TLK2: variants seen among roughly 807,000 people sequenced by gnomAD.
TLK2 encodes the protein serine/threonine-protein kinase tousled-like 2.
TLK2 carries 6 observed loss-of-function variants against 117.3 expected under a neutral mutation model. That is an observed-to-expected ratio of 0.05 (90% confidence interval 0.03 to 0.10). The LOEUF (loss-of-function observed/expected upper bound fraction) is 0.10, where lower values mean the gene tolerates loss of function less well. Ranked by LOEUF, TLK2 falls within the 10% of genes least tolerant of loss-of-function variation. The pLI, the probability that TLK2 is intolerant of heterozygous loss-of-function variation, is 1.00. For missense variants in TLK2, 299 were observed against 901.2 expected (o/e 0.33, Z 8.56); for synonymous variants, 257 against 316.7 (o/e 0.81, Z 2.00).
intron 6 of TLK2, 129 bp downstream of exon 6, chr17:62,524,460 T>G: frequency 7.7e-7 from 1 of 1,304,596 alleles, no homozygotes; most frequent in African/African-American, 1.5e-5. Context: ...GTTCATAGTT[T>G]TACCTATGAA....
At chr17:62,477,898 C>A (rs1364601825), upstream of TLK2, 3 of 152,200 alleles carry the variant, frequency 2.0e-5, no homozygotes, top group African/African-American at 7.2e-5. Flanking sequence ...CCCTCAGACC[C>A]TCCTAAGTAC....
chr17:62,487,311 G>T (rs1267326656), intron 2 of TLK2, among the ~76,000 whole-genome samples: 1 of 147,166 alleles, frequency 6.8e-6, no homozygotes, highest in Non-Finnish European at 1.5e-5. Flanking sequence ...AAAAAAGAAA[G>T]AAATATGATT....
rs1053621139 is a variant in TLK2 at position 62,574,369 on chromosome 17, A to G, written c.1121+1002A>G. 8.4e-6 allele frequency: 13 copies of G among 1,545,532 alleles called. No individual in the cohort carries two copies. In the African/African-American group the frequency reaches 1.6e-4, roughly 19 times the overall value. On this transcript the variant is annotated intron_variant, in intron 12 of 21. Transcript: ENST00000346027. ...GGCCCTCTTCTGGGAATACAGAGCTAAAGGATACAGCCCCAGCCTTAGGAG... is the reference window on the plus strand; with the variant it reads ...GGCCCTCTTCTGGGAATACAGAGCTGAAGGATACAGCCCCAGCCTTAGGAG...
intron 16 of TLK2, among the ~76,000 whole-genome samples, chr17:62,590,308 A>C (rs1258356594): frequency 1.3e-5 from 2 of 151,768 alleles, no homozygotes; most frequent in South Asian, 4.2e-4. Flanking sequence ...GGTGGCAGGC[A>C]CCTACCTGTA....
intron 9 of TLK2, among the ~76,000 whole-genome samples, chr17:62,557,491 C>T (rs139960737): frequency 4.0e-5 from 6 of 151,242 alleles, no homozygotes; most frequent in Admixed American, 6.6e-5. Flanking sequence ...TATTTCCTTT[C>T]CTCCATCTTT....
chr17:62,546,287 A>T (rs2077906893), intron 7 of TLK2, among the ~76,000 whole-genome samples: 1 of 147,316 alleles, frequency 6.8e-6, no homozygotes, highest in South Asian at 2.2e-4. Context: ...TACTGCGATT[A>T]TAGGCGTGAG....
chr17:62,603,842 A>G (rs2083049971), intron 19 of TLK2, among the ~76,000 whole-genome samples: 1 of 152,138 alleles, frequency 6.6e-6, no homozygotes, highest in African/African-American at 2.4e-5. Context: ...AGAGTCTCCA[A>G]ATTGGTAGAA....
chr17:62,539,981 T>A (rs1221271465), intron 7 of TLK2, among the ~76,000 whole-genome samples: 2 of 152,114 alleles, frequency 1.3e-5, no homozygotes, highest in African/African-American at 4.8e-5. Flanking sequence ...AAAACTGAAC[T>A]CTTCCTTCTG....
At chr17:62,480,693 T>C (rs1333693677) in intron 1 of TLK2, among the ~76,000 whole-genome samples, 1 of 152,240 alleles carries the variant, frequency 6.6e-6, no homozygotes, top group Non-Finnish European at 1.5e-5. Flanking sequence ...CAATGATTCA[T>C]ATTTTTAGTT....
chr17:62,571,534 A>G (rs1425690592), intron 11 of TLK2, among the ~76,000 whole-genome samples: 1 of 152,230 alleles, frequency 6.6e-6, no homozygotes, highest in East Asian at 1.9e-4. Context: ...TAATAATCAA[A>G]AAGAATTTTC....
intron 19 of TLK2, among the ~76,000 whole-genome samples, chr17:62,603,647 C>T (rs1336734370): frequency 2.0e-5 from 3 of 152,036 alleles, no homozygotes; most frequent in Admixed American, 6.5e-5. Flanking sequence ...GATTTTGCTT[C>T]AAAGTAGTCT....
chr17:62,587,560 C>T (rs972502591), intron 16 of TLK2, among the ~76,000 whole-genome samples: 1 of 152,202 alleles, frequency 6.6e-6, no homozygotes, highest in African/African-American at 2.4e-5. Flanking sequence ...CCCAGAAGTT[C>T]TTCCTGTTCC....
At chr17:62,594,543 T>C (rs1203552868) in intron 16 of TLK2, among the ~76,000 whole-genome samples, 1 of 152,182 alleles carries the variant, frequency 6.6e-6, no homozygotes, top group African/African-American at 2.4e-5. Context: ...AAGAGTTAAG[T>C]TCCTGTGGCA....
intron 2 of TLK2, among the ~76,000 whole-genome samples, chr17:62,509,037 A>G (rs1228253606): frequency 6.6e-6 from 1 of 152,114 alleles, no homozygotes; most frequent in Non-Finnish European, 1.5e-5. Context: ...TTATAAAACT[A>G]CTTCCTCCTC....
chr17:62,474,517 C>T (rs1435561723), upstream of TLK2, among the ~76,000 whole-genome samples: 1 of 152,044 alleles, frequency 6.6e-6, no homozygotes, highest in East Asian at 1.9e-4. Flanking sequence ...TCATGCCATT[C>T]TCCTGCCTCA....
chr17:62,597,829 T>A (rs761989457), intron 17 of TLK2, among the ~76,000 whole-genome samples: 1 of 152,212 alleles, frequency 6.6e-6, no homozygotes, highest in Non-Finnish European at 1.5e-5. Context: ...GCCTCTGGGT[T>A]TATCCAGCAG....
At chr17:62,578,408 T>C in intron 13 of TLK2, 69 bp from the exon 14 acceptor site, 1 of 1,267,994 alleles carries the variant, frequency 7.9e-7, no homozygotes, top group Non-Finnish European at 1.1e-6. Context: ...CTGCTATTGT[T>C]TTTGAAATAA....
chr17:62,528,552 G>T lies in TLK2; in HGVS notation c.363+4221G>T, dbSNP rs571072031. On this transcript the variant is annotated intron_variant, in intron 6 of 21. Transcript: ENST00000346027. ...CTGCCTCAGCCTCCCGAGTAGCTGGGACTACAGGTGTGCACCACCACGCCT... is the reference window on the plus strand; with the variant it reads ...CTGCCTCAGCCTCCCGAGTAGCTGGTACTACAGGTGTGCACCACCACGCCT... Among the ~76,000 whole-genome samples, 39 of 152,142 alleles carry T rather than the reference G, an allele frequency of 2.6e-4. 1 individual carries two copies. The South Asian group carries it at 8.1e-3, about 32-fold the overall frequency.
intron 2 of TLK2, among the ~76,000 whole-genome samples, chr17:62,492,813 C>T (rs573588533): frequency 6.6e-6 from 1 of 152,144 alleles, no homozygotes; most frequent in Admixed American, 6.6e-5. Context: ...ATAATAACTC[C>T]CAGGCCAGGC....
Sources: gnomAD v4.1 joint callset for allele counts (sites outside exome capture counted in the v4.1 genomes callset) on GRCh38, gnomAD v4.1.1 for gene constraint, MANE v1.5 for transcripts, NCBI Gene and HGNC (gene_info 2026-07-23, HGNC 2026-07-21) for gene names.